The following PRDM5 variants were observed in gnomAD, a reference collection of about 807,000 sequenced individuals.
PRDM5 encodes PR/SET domain 5.
In PRDM5, 56 loss-of-function variants were observed where a neutral mutation model predicts 81.2. The ratio of observed to expected loss-of-function variants is 0.69; its 90% CI spans 0.56 to 0.86. PRDM5 has a LOEUF of 0.86. Ranked by LOEUF, PRDM5 falls within the 40% of genes least tolerant of loss-of-function variation. The pLI, the probability that PRDM5 is intolerant of heterozygous loss-of-function variation, is 0.00. For synonymous variants in PRDM5, 267 were observed against 256.4 expected, an observed-to-expected ratio of 1.04 and a Z score of -0.39; for missense variants, 697 against 770.1, an observed-to-expected ratio of 0.91 and a Z score of 1.12.
At chr4:120,688,298 T>A (rs1733909274), downstream of PRDM5, among the ~76,000 whole-genome samples, 1 of 152,084 alleles carries the variant, frequency 6.6e-6, no homozygotes, top group Admixed American at 6.6e-5. Context: ...AAATGTCTAC[T>A]CAAGTCCTTT....
At chr4:120,794,768 C>T (rs1037262761) in intron 10 of PRDM5, among the ~76,000 whole-genome samples, 2 of 151,974 alleles carry the variant, frequency 1.3e-5, no homozygotes, top group Admixed American at 1.3e-4. Flanking sequence ...GGACTACAGG[C>T]GTGCGCCACA....
At chr4:120,809,062 C>G (rs577981109) in intron 8 of PRDM5, among the ~76,000 whole-genome samples, 73 of 152,348 alleles carry the variant, frequency 4.8e-4, no homozygotes, top group African/African-American at 1.7e-3. Context: ...CCAGAGCGGG[C>G]GCCAAGGGCC....
At chr4:120,697,516 C>CT (rs537716980) in intron 15 of PRDM5, among the ~76,000 whole-genome samples, 2,376 of 145,252 alleles carry the variant, frequency 0.016, 53 homozygotes, top group African/African-American at 0.05. Flanking sequence ...AAATATTAAT[C>CT]TTTTTTTTTT....
At chr4:120,866,399 T>C (rs941182318) in intron 2 of PRDM5, among the ~76,000 whole-genome samples, 2 of 152,250 alleles carry the variant, frequency 1.3e-5, no homozygotes, top group Non-Finnish European at 2.9e-5. Flanking sequence ...TTTATACTCA[T>C]TTATTCTATG....
intron 3 of PRDM5, among the ~76,000 whole-genome samples, chr4:120,852,264 ATG>A (rs1759355593): frequency 6.6e-6 from 1 of 152,196 alleles, no homozygotes; most frequent in Non-Finnish European, 1.5e-5. Flanking sequence ...TTAACTTTAC[ATG>A]TTAACTTGAC....
intron 14 of PRDM5, among the ~76,000 whole-genome samples, chr4:120,720,229 G>C (rs1738400397): frequency 6.6e-6 from 1 of 152,186 alleles, no homozygotes; most frequent in Admixed American, 6.5e-5. Flanking sequence ...AAGAATAAAA[G>C]AGAGCTACAG....
chr4:120,731,671 A>G (rs1740284725), intron 14 of PRDM5: 1 of 152,152 alleles, frequency 6.6e-6, no homozygotes, highest in South Asian at 2.1e-4. Context: ...AAAGCTCCTT[A>G]GTGGAAGTGT....
intron 15 of PRDM5, among the ~76,000 whole-genome samples, chr4:120,702,056 G>T (rs1453357052): frequency 6.6e-6 from 1 of 152,132 alleles, no homozygotes; most frequent in East Asian, 1.9e-4. Flanking sequence ...AATATTACTT[G>T]CATTTTGCAT....
At chr4:120,793,755 G>A (rs1409307524) in intron 10 of PRDM5, among the ~76,000 whole-genome samples, 1 of 151,712 alleles carries the variant, frequency 6.6e-6, no homozygotes, top group Non-Finnish European at 1.5e-5. Flanking sequence ...TTTGTGTGGT[G>A]AGAACACTTA....
chr4:120,777,296 A>AT lies in PRDM5; in HGVS notation c.1444-16dup, dbSNP rs1366568261. On this transcript the variant is annotated splice_polypyrimidine_tract_variant and intron_variant, in intron 12 of 15. Coordinates refer to ENST00000264808, the MANE Select transcript of PRDM5 (RefSeq NM_018699.4). ...CCTGTATGTGTCTAAAAGGAAAGGGATAAAAAGGCTAAGGATAAATACAAA... is the reference window on the plus strand; with the variant it reads ...CCTGTATGTGTCTAAAAGGAAAGGGATTAAAAAGGCTAAGGATAAATACAAA... 1.2e-6 allele frequency: 2 copies of AT among 1,613,000 alleles called. No homozygotes were observed. Among genetic ancestry groups the AT allele is most frequent in the African/African-American group, 1.3e-5 (1 of 74,898 alleles).
intron 14 of PRDM5, among the ~76,000 whole-genome samples, chr4:120,736,198 TTTGTGTGTGTGTGTG>T (rs1741094894): frequency 1.0e-5 from 1 of 95,488 alleles, no homozygotes; most frequent in South Asian, 4.0e-4. Flanking sequence ...ATACTATCCT[TTTGTGTGTGTGTGTG>T]TGTGTGTGTG....
intron 13 of PRDM5, among the ~76,000 whole-genome samples, chr4:120,774,902 A>ATATATATATATATG (rs1553963976): frequency 8.9e-5 from 13 of 146,052 alleles, no homozygotes; most frequent in African/African-American, 2.5e-4. Flanking sequence ...ATATATATAT[A>ATATATATATATATG]TATATGTATA....
In PRDM5 at chr4:120,699,187, TA is replaced by T. The variant is rs1560889824; in HGVS notation, c.1729-3913del. On this transcript the variant is annotated intron_variant, in intron 15 of 15. Coordinates refer to ENST00000264808, the MANE Select transcript of PRDM5 (RefSeq NM_018699.4). The stretch of plus-strand genomic sequence containing the variant: ...ATATATATATATATATATATATATA[TA>T]TATATATATATATATATTTCAGATG... 1.2e-3 allele frequency among the ~76,000 whole-genome samples: 139 copies of T among 114,932 alleles called. 1 individual carries two copies. Among genetic ancestry groups the T allele is most frequent in the East Asian group, 3.3e-3 (13 of 3,984 alleles). The allele number at this position is 114,932 out of a possible 152,430, so 75.4% of individuals were successfully genotyped here.
intron 4 of PRDM5, among the ~76,000 whole-genome samples, chr4:120,820,858 C>A (rs1325387789): frequency 1.3e-5 from 2 of 152,198 alleles, no homozygotes; most frequent in African/African-American, 4.8e-5. Context: ...TATGGCAAGA[C>A]TATAAAAATC....
intron 14 of PRDM5, among the ~76,000 whole-genome samples, chr4:120,725,016 T>C (rs1009476244): frequency 3.9e-5 from 6 of 152,236 alleles, no homozygotes; most frequent in East Asian, 1.9e-4. Flanking sequence ...GAGGATTCTA[T>C]AGTTGTCCTG....
At position 120,820,265 on chromosome 4, in the gene PRDM5, G is replaced by A. The variant is rs145682092; in HGVS notation, c.475+906C>T. Among the ~76,000 whole-genome samples, 78 of 152,318 alleles carry A rather than the reference G, an allele frequency of 5.1e-4. 1 individual carries two copies. Among genetic ancestry groups the A allele is most frequent in the African/African-American group, 1.4e-3 (58 of 41,578 alleles). ...CTGTCACATGAGGACACAGCTAGAA[G>A]GTGCTATCTAATTAGAAACGGGCCC... On this transcript the variant is annotated intron_variant, in intron 4 of 15. Coordinates refer to ENST00000264808, the MANE Select transcript of PRDM5 (RefSeq NM_018699.4).
chr4:120,912,484 T>G (rs1471360081), intron 1 of PRDM5, among the ~76,000 whole-genome samples: 1 of 152,064 alleles, frequency 6.6e-6, no homozygotes, highest in African/African-American at 2.4e-5. Flanking sequence ...CTTCAGAGAG[T>G]CACTGTTATT....
intron 2 of PRDM5, among the ~76,000 whole-genome samples, chr4:120,905,300 C>T (rs898608736): frequency 8.5e-5 from 13 of 152,120 alleles, no homozygotes; most frequent in Non-Finnish European, 1.6e-4. Context: ...ATGCATTTTG[C>T]TTACAGGTAA....
intron 7 of PRDM5, among the ~76,000 whole-genome samples, chr4:120,814,223 T>A (rs1432957522): frequency 6.6e-6 from 1 of 152,130 alleles, no homozygotes; most frequent in East Asian, 1.9e-4. Context: ...TGTTCCCTCT[T>A]AAGTAACTGT....
Sources: gnomAD v4.1 joint callset for allele counts (sites outside exome capture counted in the v4.1 genomes callset) on GRCh38, gnomAD v4.1.1 for gene constraint, MANE v1.5 for transcripts, NCBI Gene and HGNC (gene_info 2026-07-23, HGNC 2026-07-21) for gene names.